Variants in CSMD1 observed in about 807,000 individuals in gnomAD.
The protein encoded by CSMD1 is CUB and Sushi multiple domains 1, also known as CUB and sushi domain-containing protein 1.
In CSMD1, 213 loss-of-function variants were observed where a neutral mutation model predicts 417.5. That is an observed-to-expected ratio of 0.51 (90% confidence interval 0.46 to 0.57). CSMD1 has a LOEUF of 0.57. CSMD1 is among the 20% of genes least tolerant of loss of function. CSMD1 has a pLI of 0.00. For missense variants in CSMD1, 6,923 were observed against 4,529.7 expected, an observed-to-expected ratio of 1.53 and a Z score of -15.17; for synonymous variants, 2,862 against 1,736.8, an observed-to-expected ratio of 1.65 and a Z score of -16.11.
At chr8:4,019,243 G>A (rs980268841) in intron 4 of CSMD1, among the ~76,000 whole-genome samples, 3 of 152,174 alleles carry the variant, frequency 2.0e-5, no homozygotes, top group Admixed American at 6.5e-5. Flanking sequence ...TAGGTCAGAG[G>A]CACTCTCTCT....
chr8:3,228,563 G>T (rs1284486083), intron 27 of CSMD1, among the ~76,000 whole-genome samples: 1 of 152,118 alleles, frequency 6.6e-6, no homozygotes, highest in Non-Finnish European at 1.5e-5. Flanking sequence ...TTACCTTTTG[G>T]TGCGTATTGG....
At chr8:4,594,193 A>ATTTTTTTT (rs1213486937) in intron 2 of CSMD1, among the ~76,000 whole-genome samples, 8 of 88,104 alleles carry the variant, frequency 9.1e-5, no homozygotes, top group African/African-American at 1.2e-4. Context: ...TTCTAAAGTG[A>ATTTTTTTT]TCTTTTTTTT....
Position 3,181,230 on chromosome 8 carries a change from C to A in CSMD1, c.5621-16G>T. The A allele has an allele frequency of 1.3e-6, 2 of 1,553,928 alleles. No individual in the cohort carries two copies. Among genetic ancestry groups the A allele is most frequent in the Non-Finnish European group, 1.8e-6 (2 of 1,126,578 alleles). ...ACTGTGGTGCCTGTAAGAAACAATG[C>A]AGATAGAATTGTAACACTACAAATA... On this transcript the variant is annotated splice_polypyrimidine_tract_variant and intron_variant, in intron 36 of 69. Coordinates refer to ENST00000635120, the MANE Select transcript of CSMD1 (RefSeq NM_033225.6).
chr8:4,155,496 G>C (rs1291969790), intron 3 of CSMD1, among the ~76,000 whole-genome samples: 4 of 152,190 alleles, frequency 2.6e-5, no homozygotes, highest in Non-Finnish European at 4.4e-5. Context: ...ACAAGGGAAA[G>C]TATCGTTCTT....
At chr8:3,607,314 C>G (rs763811494) in intron 8 of CSMD1, among the ~76,000 whole-genome samples, 4 of 152,162 alleles carry the variant, frequency 2.6e-5, no homozygotes, top group African/African-American at 4.8e-5. Flanking sequence ...CCAATGATCA[C>G]AATTCCTTCT....
chr8:4,662,088 T>A (rs988999710), intron 1 of CSMD1, among the ~76,000 whole-genome samples: 2 of 152,162 alleles, frequency 1.3e-5, no homozygotes, highest in Non-Finnish European at 2.9e-5. Context: ...AATTTGGGAC[T>A]AGAGAAACAC....
intron 5 of CSMD1, among the ~76,000 whole-genome samples, chr8:3,908,545 C>G (rs754277581): frequency 8.5e-5 from 13 of 152,114 alleles, no homozygotes; most frequent in Non-Finnish European, 1.8e-4. Context: ...CTAAGGGAAA[C>G]ACTTTTGTAG....
At chr8:3,776,204 C>G (rs954167718) in intron 5 of CSMD1, among the ~76,000 whole-genome samples, 1 of 152,156 alleles carries the variant, frequency 6.6e-6, no homozygotes, top group Non-Finnish European at 1.5e-5. Context: ...ATCTCAGCAC[C>G]GGAGGGTGCC....
chr8:3,298,428 A>T (rs1804131209), intron 25 of CSMD1, among the ~76,000 whole-genome samples: 1 of 152,066 alleles, frequency 6.6e-6, no homozygotes, highest in African/African-American at 2.4e-5. Flanking sequence ...AAATGAAGTG[A>T]GACACATAAT....
intron 2 of CSMD1, among the ~76,000 whole-genome samples, chr8:4,590,628 T>A (rs1011496444): frequency 2.0e-5 from 3 of 152,156 alleles, no homozygotes; most frequent in African/African-American, 7.2e-5. Context: ...ATATATGTTG[T>A]TCAAAGTTGT....
At chr8:3,372,085 C>T (rs1809991587) in intron 18 of CSMD1, among the ~76,000 whole-genome samples, 1 of 152,006 alleles carries the variant, frequency 6.6e-6, no homozygotes, top group Admixed American at 6.6e-5. Flanking sequence ...ACAATATTGG[C>T]AGATGACACA....
intron 5 of CSMD1, among the ~76,000 whole-genome samples, chr8:3,938,773 G>A (rs941277747): frequency 1.3e-5 from 2 of 152,128 alleles, no homozygotes; most frequent in African/African-American, 4.8e-5. Flanking sequence ...TGTTGTTAAT[G>A]TGACACGTCA....
chr8:3,745,194 G>C (rs1417619123), intron 6 of CSMD1, among the ~76,000 whole-genome samples: 1 of 152,264 alleles, frequency 6.6e-6, no homozygotes, highest in South Asian at 2.1e-4. Context: ...TCATTTCTCT[G>C]TTATATTTTT....
At chr8:3,275,440 G>T (rs919491039) in intron 26 of CSMD1, among the ~76,000 whole-genome samples, 1 of 152,016 alleles carries the variant, frequency 6.6e-6, no homozygotes, top group Non-Finnish European at 1.5e-5. Context: ...TATCTTTGTG[G>T]CATTCTCTGT....
chr8:3,434,740 C>T (rs539566117), intron 12 of CSMD1, among the ~76,000 whole-genome samples: 16 of 152,142 alleles, frequency 1.1e-4, no homozygotes, highest in Admixed American at 2.6e-4. Context: ...ATTTAACATC[C>T]GCAGATAGCT....
chr8:4,378,502 CTCTT>C (rs982704896), intron 3 of CSMD1, among the ~76,000 whole-genome samples: 6 of 152,160 alleles, frequency 3.9e-5, no homozygotes, highest in South Asian at 2.1e-4. Context: ...CTCTCTCTCT[CTCTT>C]TCTCTCTGTT....
chr8:3,671,119 G>A (rs1055774438), intron 7 of CSMD1, among the ~76,000 whole-genome samples: 9 of 146,358 alleles, frequency 6.1e-5, no homozygotes, highest in South Asian at 2.2e-4. Flanking sequence ...ATATGTATAT[G>A]GGATATATAT....
intron 1 of CSMD1, among the ~76,000 whole-genome samples, chr8:4,966,009 G>T (rs985933417): frequency 1.3e-5 from 2 of 152,098 alleles, no homozygotes; most frequent in East Asian, 3.9e-4. Context: ...TCAGACTGAA[G>T]GATACTTTAT....
chr8:3,942,908 T>C (rs190425004), intron 5 of CSMD1, among the ~76,000 whole-genome samples: 1 of 152,258 alleles, frequency 6.6e-6, no homozygotes, highest in East Asian at 1.9e-4. Flanking sequence ...GTGATACTTT[T>C]TTTTGTCTTT....
Sources: gnomAD v4.1 joint callset for allele counts (sites outside exome capture counted in the v4.1 genomes callset) on GRCh38, gnomAD v4.1.1 for gene constraint, MANE v1.5 for transcripts, NCBI Gene and HGNC (gene_info 2026-07-23, HGNC 2026-07-21) for gene names.